DERPC: variants seen among roughly 807,000 people sequenced by gnomAD.
DERPC encodes decreased expression in renal and prostate cancer protein.
In DERPC, 1 loss-of-function variant was observed where a neutral mutation model predicts 7.2. The observed-to-expected ratio is 0.14, with a 90% confidence interval of 0.05 to 0.66. The LOEUF is 0.66. DERPC is among the 30% of genes least tolerant of loss of function. The pLI, the probability that DERPC is intolerant of heterozygous loss-of-function variation, is 0.84. For missense variants in DERPC, 502 were observed against 299.4 expected, an observed-to-expected ratio of 1.68 and a Z score of -4.99; for synonymous variants, 185 against 117.6, an observed-to-expected ratio of 1.57 and a Z score of -3.71.
In DERPC at chr16:69,120,872, T is replaced by G. The variant is rs1027156704; in HGVS notation, c.-221-223A>C. ...TTTCAGAAATGTGAGCTTTCCAGAT[T>G]CCCCAAAATTAAATTTCCCTGCTAC... On this transcript the variant is annotated intron_variant, in intron 2 of 2. Coordinates refer to ENST00000519520, the MANE Select transcript of DERPC (RefSeq NM_001002847.4). This position sits in a 1 kb window ranked among gnomAD's most constrained non-coding sequence, Gnocchi z 4.0. 1.1e-5 allele frequency: 8 copies of G among 756,922 alleles called. No individual in the cohort carries two copies. The highest frequency in any genetic ancestry group is 1.7e-5 in the Non-Finnish European group (7 of 423,958). 46.9% of individuals were successfully genotyped at this position (756,922 alleles called of 1,614,324 possible). A position where few individuals can be genotyped will look rare whatever the true frequency, so the allele number is the denominator to read the frequency against.
At chr16:69,122,002 G>C (rs1961709191) in intron 1 of DERPC, among the ~76,000 whole-genome samples, 1 of 151,934 alleles carries the variant, frequency 6.6e-6, no homozygotes, top group Non-Finnish European at 1.5e-5. Flanking sequence ...TGGCCAGGCT[G>C]GTCTTGAACT....
chr16:69,126,733 T>C (rs1349293487), intron 1 of DERPC, among the ~76,000 whole-genome samples: 2 of 152,258 alleles, frequency 1.3e-5, no homozygotes. Context: ...GTCAGGAACG[T>C]AGAGGAGGGC....
chr16:69,123,019 A>G (rs1164235486), intron 1 of DERPC, among the ~76,000 whole-genome samples: 1 of 152,064 alleles, frequency 6.6e-6, no homozygotes, highest in Admixed American at 6.6e-5. Context: ...TTGGCCTCTC[A>G]AAGTGCTGGG....
chr16:69,128,634 TTC>T (rs1962264730), intron 1 of DERPC, among the ~76,000 whole-genome samples: 1 of 152,204 alleles, frequency 6.6e-6, no homozygotes, highest in Non-Finnish European at 1.5e-5. Flanking sequence ...GGCACCAGCA[TTC>T]AAAGAATCAA....
intron 1 of DERPC, among the ~76,000 whole-genome samples, chr16:69,131,655 G>T: frequency 7.5e-6 from 1 of 132,666 alleles, no homozygotes; most frequent in Non-Finnish European, 1.6e-5. Context: ...CCCTTTTCCT[G>T]CCTCCCAGGG....
rs769216163 is a variant in DERPC at position 69,120,514 on chromosome 16, G to A, written c.-86C>T. 11 of 1,614,074 alleles carry A rather than the reference G, an allele frequency of 6.8e-6. No homozygotes were observed. The South Asian group carries it at 8.8e-5, about 13-fold the overall frequency. ...TTGATGAGTGCTGTCACCAGGTACC[G>A]GGTGCCAGTCTCGCGGCCAAGCTCA... On this transcript the variant is annotated 5_prime_UTR_variant, in exon 3 of 3. Transcript: ENST00000519520. This position sits in a 1 kb window ranked among gnomAD's most constrained non-coding sequence, Gnocchi z 4.0.
At chr16:69,128,477 C>T (rs1270676338) in intron 1 of DERPC, among the ~76,000 whole-genome samples, 1 of 152,154 alleles carries the variant, frequency 6.6e-6, no homozygotes, top group African/African-American at 2.4e-5. Context: ...ATCCTGTCCC[C>T]AATCTCATGA....
intron 1 of DERPC, among the ~76,000 whole-genome samples, chr16:69,129,786 T>G (rs1395178829): frequency 6.6e-6 from 1 of 152,242 alleles, no homozygotes. Flanking sequence ...AGCCTCGTTC[T>G]CACAGCATCT....
At chr16:69,126,424 A>G (rs527612175) in intron 1 of DERPC, among the ~76,000 whole-genome samples, 3 of 152,344 alleles carry the variant, frequency 2.0e-5, no homozygotes, top group East Asian at 1.9e-4. Context: ...CCATGCCTCA[A>G]TAACAATGCA....
intron 1 of DERPC, among the ~76,000 whole-genome samples, chr16:69,122,369 T>C (rs569414798): frequency 1.5e-4 from 23 of 151,994 alleles, no homozygotes; most frequent in African/African-American, 4.8e-4. Flanking sequence ...GATATTCTTT[T>C]TTTTTTTTTT....
In DERPC at chr16:69,120,002, A is replaced by G. The variant is rs1156504347; in HGVS notation, c.427T>C (p.Ser143Pro). 1.4e-6 allele frequency: 1 copy of G among 694,332 alleles called. No homozygotes were observed. The highest frequency in any genetic ancestry group is 2.0e-5 in the Admixed American group (1 of 49,222). 43.0% of individuals were successfully genotyped at this position (694,332 alleles called of 1,614,324 possible). The change falls in exon 3 of 3, where the codon TCT becomes CCT. Residue 143 changes from serine (S) to proline (P), a missense_variant. By Grantham distance (74) the Ser-to-Pro change is moderately conservative (BLOSUM62 -1). Coordinates refer to ENST00000519520, the MANE Select transcript of DERPC (RefSeq NM_001002847.4). The surrounding 1 kb of genome is among the most constrained non-coding windows in gnomAD (Gnocchi z 4.0). ...TGALPGPGPLSNPRLGGLPGP... is the reference protein window; with the variant it reads ...TGALPGPGPLPNPRLGGLPGP... Reference sequence around the variant, plus strand: ...GGGAGACCCCCTAACCTGGGGTTAGACAGAGGCCCTGGGCCTGGCAGAGCC... The same window carrying G: ...GGGAGACCCCCTAACCTGGGGTTAGGCAGAGGCCCTGGGCCTGGCAGAGCC...
chr16:69,124,122 AAG>A (rs200948847), intron 1 of DERPC, among the ~76,000 whole-genome samples: 2,682 of 151,928 alleles, frequency 0.018, 79 homozygotes, highest in African/African-American at 0.061. Context: ...AAAAAAAAAA[AAG>A]GATAATATGC....
In DERPC at chr16:69,120,954, A is replaced by T; in HGVS notation, c.-221-305T>A. On this transcript the variant is annotated intron_variant, in intron 2 of 2. Transcript: ENST00000519520. The surrounding 1 kb of genome is among the most constrained non-coding windows in gnomAD (Gnocchi z 4.0). ...ATCGCAGATTAGCTAGGCCTTGAAT[A>T]ACAAACCTGAGGCAGTCCTCACTCT... 1 of 1,020,022 alleles carries T rather than the reference A, an allele frequency of 9.8e-7. No individual in the cohort carries two copies. Among genetic ancestry groups the T allele is most frequent in the Non-Finnish European group, 1.6e-6 (1 of 637,264 alleles). The allele number at this position is 1,020,022 out of a possible 1,614,324, so 63.2% of individuals were successfully genotyped here. A position where few individuals can be genotyped will look rare whatever the true frequency, so the allele number is the denominator to read the frequency against.
At chr16:69,121,023 C>A (rs1223056098) in intron 2 of DERPC, 1 of 1,577,624 alleles carries the variant, frequency 6.3e-7, no homozygotes, top group Admixed American at 1.7e-5. Context: ...TTTCCTGAGG[C>A]ATTAGGCAGG....
chr16:69,118,040 T>TAAGAA lies in DERPC; in HGVS notation c.*809_*813dup, dbSNP rs1555533142. ...CTCATCCCATTTATTAAAGAAACAGTAAGAAAAGATACAATGCAGGAAAAC... is the reference window on the plus strand; with the variant it reads ...CTCATCCCATTTATTAAAGAAACAGTAAGAAAAGAAAAGATACAATGCAGGAAAAC... On this transcript the variant is annotated 3_prime_UTR_variant, in exon 3 of 3. Transcript: ENST00000519520. 2.5e-6 allele frequency: 1 copy of TAAGAA among 392,856 alleles called. No individual in the cohort carries two copies. Among genetic ancestry groups the TAAGAA allele is most frequent in the Non-Finnish European group, 4.7e-6 (1 of 214,074 alleles). 24.3% of individuals were successfully genotyped at this position (392,856 alleles called of 1,614,324 possible).
Position 69,119,581 on chromosome 16 carries a change from C to T in DERPC, c.848G>A (p.Gly283Asp), listed in dbSNP as rs557779937. The change falls in exon 3 of 3, where the codon GGT (glycine) becomes GAT (aspartate). Residue 283 changes from glycine to aspartate, a missense_variant. Physicochemically the swap from Gly to Asp is moderately conservative, Grantham distance 94 (BLOSUM62 -1). Coordinates refer to ENST00000519520, the MANE Select transcript of DERPC (RefSeq NM_001002847.4). ...LDLAPILRAA[G>D]LLGANSASFS... ...AGAAGCTGAATTTGCTCCTAAAAGACCTGCTGCTCTTAGAATGGGGGCAAG... is the reference window on the plus strand; with the variant it reads ...AGAAGCTGAATTTGCTCCTAAAAGATCTGCTGCTCTTAGAATGGGGGCAAG... 1 of 702,066 alleles carries T rather than the reference C, an allele frequency of 1.4e-6. No individual in the cohort carries two copies. The highest frequency in any genetic ancestry group is 1.7e-5 in the African/African-American group (1 of 57,276). The allele number at this position is 702,066 out of a possible 1,614,324, so 43.5% of individuals were successfully genotyped here.
intron 1 of DERPC, among the ~76,000 whole-genome samples, chr16:69,123,975 A>T (rs149084458): frequency 2.8e-3 from 418 of 150,578 alleles, no homozygotes; most frequent in African/African-American, 9.8e-3. Flanking sequence ...GTGGTGGCGC[A>T]CGCCTGCAGT....
chr16:69,120,856 T>C lies in DERPC; in HGVS notation c.-221-207A>G, dbSNP rs1238337941. ...ATAGGAGAATTTCCACTTTCAGAAA[T>C]GTGAGCTTTCCAGATTCCCCAAAAT... On this transcript the variant is annotated intron_variant, in intron 2 of 2. Transcript: ENST00000519520. This position sits in a 1 kb window ranked among gnomAD's most constrained non-coding sequence, Gnocchi z 4.0. The C allele has an allele frequency of 1.3e-6, 1 of 748,042 alleles. No homozygotes were observed. The highest frequency in any genetic ancestry group is 2.7e-5 in the East Asian group (1 of 37,618). The allele number at this position is 748,042 out of a possible 1,614,324, so 46.3% of individuals were successfully genotyped here. A position where few individuals can be genotyped will look rare whatever the true frequency, so the allele number is the denominator to read the frequency against.
rs755213875 is a variant in DERPC, at chr16:69,121,474, A to G, written c.-260T>C. 1 of 1,597,878 alleles carries G rather than the reference A, an allele frequency of 6.3e-7. No homozygotes were observed. The highest frequency in any genetic ancestry group is 1.8e-5 in the Admixed American group (1 of 54,980). Reference sequence around the variant, plus strand: ...TTTGCACCATGAGCTTTCTGTCTTTAAAAAGCAAGTGAAAACAAGCTGTAG... The same window carrying G: ...TTTGCACCATGAGCTTTCTGTCTTTGAAAAGCAAGTGAAAACAAGCTGTAG... On this transcript the variant is annotated 5_prime_UTR_variant, in exon 2 of 3. Transcript: ENST00000519520.
Sources: gnomAD v4.1 joint callset for allele counts (sites outside exome capture counted in the v4.1 genomes callset) on GRCh38, gnomAD v4.1.1 for gene constraint, Gnocchi (gnomAD v3.1) non-coding constraint, MANE v1.5 for transcripts, NCBI Gene and HGNC (gene_info 2026-07-23, HGNC 2026-07-21) for gene names.